NRXN3: variants seen among roughly 807,000 people sequenced by gnomAD.
The protein encoded by NRXN3 is neurexin 3.
NRXN3 carries 32 observed loss-of-function variants against 137.6 expected under a neutral mutation model. The ratio of observed to expected loss-of-function variants is 0.23; its 90% CI spans 0.18 to 0.31. NRXN3 has a LOEUF of 0.31. NRXN3 is among the 10% of genes least tolerant of loss of function. NRXN3 has a pLI of 1.00. For missense variants in NRXN3, 1,574 were observed against 2,062.5 expected (o/e 0.76, Z 4.59); for synonymous variants, 798 against 784.5 (o/e 1.02, Z -0.29).
chr14:78,777,516 T>C (rs1316559644), intron 8 of NRXN3, among the ~76,000 whole-genome samples: 2 of 152,218 alleles, frequency 1.3e-5, no homozygotes, highest in Non-Finnish European at 2.9e-5. Flanking sequence ...AGCCATGTAC[T>C]AGCTACTGTG....
At chr14:78,677,584 A>G (rs1210880642) in intron 6 of NRXN3, among the ~76,000 whole-genome samples, 1 of 152,184 alleles carries the variant, frequency 6.6e-6, no homozygotes, top group Non-Finnish European at 1.5e-5. Context: ...GCTGTGGACA[A>G]TGTTGAAACG....
intron 15 of NRXN3, among the ~76,000 whole-genome samples, chr14:79,271,112 G>A (rs2079218533): frequency 6.6e-6 from 1 of 152,170 alleles, no homozygotes; most frequent in South Asian, 2.1e-4. Context: ...GAGTGAGACA[G>A]ACACTTGAGT....
chr14:79,233,482 G>T (rs557921072), intron 15 of NRXN3, among the ~76,000 whole-genome samples: 2 of 152,122 alleles, frequency 1.3e-5, no homozygotes, highest in African/African-American at 2.4e-5. Context: ...TATATCATGC[G>T]GGCTTTGACA....
chr14:79,678,592 C>T (rs1369354175), intron 17 of NRXN3, among the ~76,000 whole-genome samples: 3 of 152,148 alleles, frequency 2.0e-5, no homozygotes, highest in Admixed American at 2.0e-4. Context: ...AGTCTAAGCA[C>T]TTGTGAGGAT....
At chr14:78,935,229 T>C (rs2099332739) in intron 10 of NRXN3, among the ~76,000 whole-genome samples, 1 of 152,150 alleles carries the variant, frequency 6.6e-6, no homozygotes, top group South Asian at 2.1e-4. Context: ...CAGATGACAG[T>C]GATCAATGAA....
chr14:79,289,474 G>C (rs1271449981), intron 15 of NRXN3, among the ~76,000 whole-genome samples: 1 of 152,138 alleles, frequency 6.6e-6, no homozygotes, highest in African/African-American at 2.4e-5. Context: ...AAAAAAATTA[G>C]CTGGGCGTGG....
intron 16 of NRXN3, among the ~76,000 whole-genome samples, chr14:79,585,546 G>A (rs2097757568): frequency 6.6e-6 from 1 of 151,964 alleles, no homozygotes; most frequent in African/African-American, 2.4e-5. Context: ...TTAGCTGGGT[G>A]TGGTGGTGTG....
intron 10 of NRXN3, among the ~76,000 whole-genome samples, chr14:78,869,238 T>G (rs2099095406): frequency 6.6e-6 from 1 of 152,132 alleles, no homozygotes; most frequent in African/African-American, 2.4e-5. Flanking sequence ...CAATTGTCAA[T>G]TTTACCTTTA....
chr14:78,567,254 G>T (rs1389461698), intron 4 of NRXN3, among the ~76,000 whole-genome samples: 1 of 152,250 alleles, frequency 6.6e-6, no homozygotes, highest in Non-Finnish European at 1.5e-5. Context: ...CCAGATGGGA[G>T]TGGGGAATAT....
chr14:78,180,470 C>T (rs1019993126), intron 1 of NRXN3, among the ~76,000 whole-genome samples: 1 of 152,178 alleles, frequency 6.6e-6, no homozygotes, highest in African/African-American at 2.4e-5. Flanking sequence ...TGGGAGGATT[C>T]AGTGAATAAG....
chr14:79,590,611 C>T (rs1602560710), intron 16 of NRXN3, among the ~76,000 whole-genome samples: 1 of 152,020 alleles, frequency 6.6e-6, no homozygotes, highest in South Asian at 2.1e-4. Flanking sequence ...CTTCTCCATC[C>T]CCTGGTTGTC....
chr14:78,439,799 T>C (rs1270169167), intron 4 of NRXN3, among the ~76,000 whole-genome samples: 1 of 152,210 alleles, frequency 6.6e-6, no homozygotes, highest in Non-Finnish European at 1.5e-5. Context: ...TCTTACTTTC[T>C]AGTCCTGTTC....
chr14:78,386,280 A>G (rs1046245501), intron 4 of NRXN3, among the ~76,000 whole-genome samples: 14 of 152,206 alleles, frequency 9.2e-5, no homozygotes, highest in Non-Finnish European at 1.9e-4. Flanking sequence ...AAGGAGATAG[A>G]TAAAGGCAAA....
intron 15 of NRXN3, among the ~76,000 whole-genome samples, chr14:79,046,605 G>A (rs1314879950): frequency 1.3e-5 from 2 of 152,110 alleles, no homozygotes; most frequent in Non-Finnish European, 2.9e-5. Flanking sequence ...ATCTTGTAGT[G>A]CAAAAAACAT....
intron 10 of NRXN3, among the ~76,000 whole-genome samples, chr14:78,917,103 AG>A (rs1350575668): frequency 2.0e-5 from 3 of 152,194 alleles, no homozygotes; most frequent in Non-Finnish European, 4.4e-5. Flanking sequence ...GAGTGTTTGG[AG>A]GGACAGAATT....
chr14:78,226,850 A>G (rs764408624), intron 1 of NRXN3, among the ~76,000 whole-genome samples: 10 of 152,224 alleles, frequency 6.6e-5, no homozygotes, highest in Non-Finnish European at 1.5e-4. Flanking sequence ...CTGTATTCAA[A>G]TTATTACAAT....
At chr14:78,267,369 C>T (rs2071932596) in intron 2 of NRXN3, among the ~76,000 whole-genome samples, 1 of 152,136 alleles carries the variant, frequency 6.6e-6, no homozygotes, top group African/African-American at 2.4e-5. Context: ...TCCATCTGCC[C>T]ATGGGCCCAT....
rs550710964 is a variant in NRXN3 at position 78,808,413 on chromosome 14, C to T, written c.2249-1905C>T. Among the ~76,000 whole-genome samples, 6 of 152,316 alleles carry T rather than the reference C, an allele frequency of 3.9e-5. No homozygotes were observed. In the South Asian group the frequency reaches 1.2e-3, roughly 32 times the overall value. ...CAGTCCTTGGGTTTGTTGCTTTAGG[C>T]TCACTCTTCCTCTCATAAGCGTGCC... On this transcript the variant is annotated intron_variant, in intron 9 of 20. Coordinates refer to ENST00000335750, the MANE Select transcript of NRXN3 (RefSeq NM_001330195.2).
At chr14:78,299,945 T>A (rs572806952) in intron 4 of NRXN3, among the ~76,000 whole-genome samples, 2 of 152,340 alleles carry the variant, frequency 1.3e-5, no homozygotes, top group African/African-American at 4.8e-5. Flanking sequence ...GTTTAATCTG[T>A]TTTTAAGACA....
Sources: gnomAD v4.1 joint callset for allele counts (sites outside exome capture counted in the v4.1 genomes callset) on GRCh38, gnomAD v4.1.1 for gene constraint, MANE v1.5 for transcripts, NCBI Gene and HGNC (gene_info 2026-07-23, HGNC 2026-07-21) for gene names.